The following SH2D3C variants were observed in gnomAD, a reference collection of about 807,000 sequenced individuals.
SH2D3C encodes the protein SH2 domain-containing protein 3C.
SH2D3C carries 25 observed loss-of-function variants against 75.2 expected under a neutral mutation model. The observed-to-expected ratio is 0.33, with a 90% confidence interval of 0.24 to 0.46. The LOEUF is 0.46. SH2D3C is among the 20% of genes least tolerant of loss of function. The pLI, the probability that SH2D3C is intolerant of heterozygous loss-of-function variation, is 1.00. For synonymous variants in SH2D3C, 450 were observed against 473.7 expected, an observed-to-expected ratio of 0.95 and a Z score of 0.65; for missense variants, 933 against 1,165.3, an observed-to-expected ratio of 0.80 and a Z score of 2.90.
Position 127,754,147 on chromosome 9 carries a change from G to A in SH2D3C, c.556-2847C>T, listed in dbSNP as rs1845283904. Among the ~76,000 whole-genome samples, 1 of 152,192 alleles carries A rather than the reference G, an allele frequency of 6.6e-6. No homozygotes were observed. Among genetic ancestry groups the A allele is most frequent in the African/African-American group, 2.4e-5 (1 of 41,470 alleles). On this transcript the variant is annotated intron_variant, in intron 3 of 11. Transcript: ENST00000314830. This position sits in a 1 kb window ranked among gnomAD's most constrained non-coding sequence, Gnocchi z 4.4. ...TGGGGTGCGAATGCAGCATCCCTGC[G>A]CTCGGCGCCCTGCTATTGGCCAGAG...
chr9:127,767,116 G>A (rs545137782), intron 2 of SH2D3C: 44 of 1,535,844 alleles, frequency 2.9e-5, no homozygotes, highest in East Asian at 9.8e-5. Flanking sequence ...CCTCTCCACC[G>A]TCTGGAGCCC....
chr9:127,741,741 T>A (rs772640670), intron 9 of SH2D3C, 47 bp downstream of exon 9: 2 of 1,588,332 alleles, frequency 1.3e-6, no homozygotes, highest in South Asian at 2.3e-5. Context: ...ACCCCAGGGC[T>A]CTTCCAGACA....
intron 7 of SH2D3C, among the ~76,000 whole-genome samples, chr9:127,743,556 ATAC>A (rs1392777796): frequency 6.6e-6 from 1 of 152,226 alleles, no homozygotes; most frequent in African/African-American, 2.4e-5. Flanking sequence ...TAAGAGCTGG[ATAC>A]TTGTTCATTG....
intron 1 of SH2D3C, among the ~76,000 whole-genome samples, chr9:127,778,286 T>G: frequency 7.0e-6 from 1 of 141,916 alleles, no homozygotes. Flanking sequence ...CCACTGCACC[T>G]GGCCAAAAAA....
Position 127,744,789 on chromosome 9 carries a change from T to C in SH2D3C, c.1575A>G (p.Leu525=). The part of the protein sequence containing the change: ...SQQARSYGER[L]KELSENGAPE... ...GGGCCCCATTTTCTGACAGTTCCTT[T>C]AGCCTCTCCCCATAGCTCCTGGCCT... is the stretch of plus-strand genomic sequence containing the variant. Residue 525 remains leucine (L), a synonymous_variant, in exon 7 of 12, where the codon CTA becomes CTG. Transcript: ENST00000314830. 1 of 1,614,200 alleles carries C rather than the reference T, an allele frequency of 6.2e-7. No individual in the cohort carries two copies. The highest frequency in any genetic ancestry group is 8.5e-7 in the Non-Finnish European group (1 of 1,180,030).
intron 3 of SH2D3C, chr9:127,755,115 G>C (rs756774753): frequency 5.7e-6 from 7 of 1,219,050 alleles, no homozygotes; most frequent in Non-Finnish European, 7.2e-6. Flanking sequence ...AGAAGCAGCA[G>C]GCGGCGGCCG....
At chr9:127,772,305 G>A (rs531792204) in intron 2 of SH2D3C, among the ~76,000 whole-genome samples, 5 of 148,276 alleles carry the variant, frequency 3.4e-5, no homozygotes, top group South Asian at 2.1e-4. Context: ...GTGCAATGGC[G>A]CGATCTTGGG....
intron 3 of SH2D3C, among the ~76,000 whole-genome samples, chr9:127,756,826 AG>A (rs1845394521): frequency 1.4e-5 from 2 of 146,282 alleles, no homozygotes; most frequent in South Asian, 4.4e-4. Flanking sequence ...TTGTATTTTT[AG>A]TAGAGACAGG....
In SH2D3C at chr9:127,749,710, G is replaced by T; in HGVS notation, c.685-45C>A. On this transcript the variant is annotated intron_variant, in intron 4 of 11. Coordinates refer to ENST00000314830, the MANE Select transcript of SH2D3C (RefSeq NM_170600.3). The surrounding 1 kb of genome is among the most constrained non-coding windows in gnomAD (Gnocchi z 5.9). ...GCTGGAGTAGGGTGGGGCCAGGAGA[G>T]GGTCAGACCCAGGATCTGGGGGACA... 2 of 1,309,086 alleles carry T rather than the reference G, an allele frequency of 1.5e-6. No homozygotes were observed. Among genetic ancestry groups the T allele is most frequent in the Non-Finnish European group, 2.1e-6 (2 of 940,926 alleles). The allele number at this position is 1,309,086 out of a possible 1,614,324, so 81.1% of individuals were successfully genotyped here.
chr9:127,771,558 C>G, intron 2 of SH2D3C: 1 of 343,898 alleles, frequency 2.9e-6, no homozygotes, highest in Non-Finnish European at 5.2e-6. Context: ...CTCGCTTCCC[C>G]AGCAGCTCTC....
chr9:127,774,390 T>C lies in SH2D3C; in HGVS notation c.115A>G (p.Ile39Val). 6.2e-7 allele frequency: 1 copy of C among 1,613,800 alleles called. No homozygotes were observed. The highest frequency in any genetic ancestry group is 1.3e-5 in the African/African-American group (1 of 75,012). ...SFTLRRSSAS[I>V]SRQSHLEPDT... ...GGCTCCAAATGGGACTGCCTACTGA[T>C]GGAAGCTGAGGATCGTCTCAGAGTG... Residue 39 changes from isoleucine to valine, a missense_variant, in exon 2 of 12, where the codon ATC (isoleucine) becomes GTC (valine). Ile to Val is a conservative substitution (Grantham distance 29, BLOSUM62 3). Coordinates refer to ENST00000314830, the MANE Select transcript of SH2D3C (RefSeq NM_170600.3). The surrounding 1 kb of genome is among the most constrained non-coding windows in gnomAD (Gnocchi z 4.3).
Position 127,744,949 on chromosome 9 carries a change from G to T in SH2D3C, c.1415C>A (p.Ser472Tyr), listed in dbSNP as rs987005618. ...CGGGGAGGCCTTGCCAAGGGTGTGG[G>T]AGGGGCTGGTGTGGGGGCCCTTGTC... ...ESDKGPHTSPSHTLGKASPSP... is the reference protein window; with the variant it reads ...ESDKGPHTSPYHTLGKASPSP... The change falls in exon 7 of 12, where the codon TCC (serine) becomes TAC (tyrosine). Residue 472 changes from serine (S) to tyrosine (Y), a missense_variant. Coordinates refer to ENST00000314830, the MANE Select transcript of SH2D3C (RefSeq NM_170600.3). The T allele has an allele frequency of 6.3e-7, 1 of 1,575,748 alleles. No individual in the cohort carries two copies. The highest frequency in any genetic ancestry group is 1.3e-5 in the African/African-American group (1 of 74,140).
At chr9:127,742,086 T>G (rs1588490532) in intron 8 of SH2D3C, 127 bp from the exon 9 acceptor site, 1 of 875,856 alleles carries the variant, frequency 1.1e-6, no homozygotes, top group Non-Finnish European at 1.7e-6. Context: ...GTTGTAAGGG[T>G]CAATGGGATA....
intron 3 of SH2D3C, chr9:127,755,103 G>C: frequency 8.2e-7 from 1 of 1,217,360 alleles, no homozygotes; most frequent in Non-Finnish European, 1.0e-6. Flanking sequence ...AGGAGCCGCG[G>C]TAGAAGCAGC....
intron 8 of SH2D3C, 46 bp downstream of exon 8, chr9:127,742,803 T>C: frequency 6.8e-7 from 1 of 1,471,702 alleles, no homozygotes; most frequent in Non-Finnish European, 9.3e-7. Flanking sequence ...GGGAGTGCGG[T>C]AGCCGGGGGT....
At chr9:127,767,323 G>A (rs772802024) in intron 2 of SH2D3C, 156 of 1,430,028 alleles carry the variant, frequency 1.1e-4, no homozygotes, top group Non-Finnish European at 1.4e-4. Context: ...TAGTGGATGA[G>A]GGAACGCCTG....
chr9:127,744,156 C>T (rs1177131146), intron 7 of SH2D3C, among the ~76,000 whole-genome samples: 14 of 151,030 alleles, frequency 9.3e-5, no homozygotes, highest in Admixed American at 3.3e-4. Flanking sequence ...CTGCAACCTC[C>T]GCCTCCAAGG....
intron 7 of SH2D3C, 81 bp downstream of exon 7, chr9:127,744,483 G>T (rs1441995432): frequency 4.7e-6 from 7 of 1,496,304 alleles, no homozygotes; most frequent in Non-Finnish European, 5.4e-6. Flanking sequence ...TGTACTTGGG[G>T]AATCTGGGAG....
chr9:127,740,686 T>C (rs1439731250), intron 9 of SH2D3C, among the ~76,000 whole-genome samples: 3 of 152,230 alleles, frequency 2.0e-5, no homozygotes, highest in African/African-American at 7.2e-5. Flanking sequence ...TTATTTTTTA[T>C]TATTTTGTTT....
Sources: allele counts gnomAD v4.1 joint callset (sites outside exome capture counted in the v4.1 genomes callset), GRCh38; gene constraint gnomAD v4.1.1; non-coding constraint Gnocchi (gnomAD v3.1); transcripts MANE v1.5; gene names NCBI Gene and HGNC (gene_info 2026-07-23, HGNC 2026-07-21).